KIAA1671: variants seen among roughly 807,000 people sequenced by gnomAD.
The protein encoded by KIAA1671 is KIAA1671.
KIAA1671 carries 52 observed loss-of-function variants against 131.2 expected under a neutral mutation model. The observed-to-expected ratio is 0.40, with a 90% CI of 0.32 to 0.50. KIAA1671 has a LOEUF of 0.50. KIAA1671 is among the 20% of genes least tolerant of loss of function. The pLI is 0.73. For synonymous variants in KIAA1671, 1,003 were observed against 961.6 expected (o/e 1.04, Z -0.80); for missense variants, 2,360 against 2,364.2 (o/e 1.00, Z 0.04).
At chr22:25,149,160 G>A (rs898228822) in intron 6 of KIAA1671, among the ~76,000 whole-genome samples, 2 of 152,144 alleles carry the variant, frequency 1.3e-5, no homozygotes, top group East Asian at 1.9e-4. Context: ...TGCTCACCTC[G>A]ACTCTGGACA....
rs1449337693 is a variant in KIAA1671, at chr22:25,196,022, G to A, written c.*3621G>A. 7.2e-5 allele frequency: 11 copies of A among 152,150 alleles called. No individual in the cohort carries two copies. The highest frequency in any genetic ancestry group is 7.2e-4 in the Admixed American group (11 of 15,276). 9.4% of individuals were successfully genotyped at this position (152,150 alleles called of 1,614,324 possible). ...GTGGGGGACTCTTGCTGTGTGCTAA[G>A]AGGCTGCTAGGACTCACCCAGTTGG... On this transcript the variant is annotated 3_prime_UTR_variant, in exon 13 of 13. Coordinates refer to ENST00000358431, the MANE Select transcript of KIAA1671 (RefSeq NM_001145206.2).
intron 6 of KIAA1671, among the ~76,000 whole-genome samples, chr22:25,071,581 A>G (rs142433931): frequency 6.6e-6 from 1 of 152,384 alleles, no homozygotes; most frequent in Non-Finnish European, 1.5e-5. Flanking sequence ...TCAGACAGGC[A>G]CAAAGAAGAA....
intron 6 of KIAA1671, among the ~76,000 whole-genome samples, chr22:25,078,442 T>A (rs1390345870): frequency 2.6e-5 from 4 of 152,120 alleles, no homozygotes; most frequent in Non-Finnish European, 5.9e-5. Flanking sequence ...GGCAGAAGGA[T>A]CACCTGAGCC....
intron 6 of KIAA1671, among the ~76,000 whole-genome samples, chr22:25,106,073 C>G (rs914681609): frequency 4.6e-5 from 7 of 152,128 alleles, no homozygotes; most frequent in African/African-American, 1.4e-4. Context: ...GTCAGGTTCC[C>G]TAGAAGCAGA....
chr22:25,029,711 G>A (rs916668520), intron 3 of KIAA1671, among the ~76,000 whole-genome samples, 171 bp downstream of exon 3: 4 of 152,268 alleles, frequency 2.6e-5, no homozygotes, highest in African/African-American at 9.6e-5. Flanking sequence ...GGTGCGGAGA[G>A]GCAGTGCAGC....
Position 25,038,707 on chromosome 22 carries a change from A to T in KIAA1671, c.1630-53A>T. On this transcript the variant is annotated intron_variant, in intron 4 of 12. Transcript: ENST00000358431. ...TCAATTACTCCACTTTTTCCTTTCC[A>T]TCTCAAATCCTTAAACACTGAGGTG... The T allele has an allele frequency of 4.8e-6, 7 of 1,468,738 alleles. No individual in the cohort carries two copies. The Admixed American group carries it at 1.1e-4, about 22-fold the overall frequency. 91.0% of individuals were successfully genotyped at this position (1,468,738 alleles called of 1,614,324 possible).
intron 6 of KIAA1671, among the ~76,000 whole-genome samples, chr22:25,115,414 G>A (rs1931600894): frequency 6.6e-6 from 1 of 152,250 alleles, no homozygotes; most frequent in Non-Finnish European, 1.5e-5. Context: ...TGCAAACTGA[G>A]TGACCTTGGG....
At chr22:25,023,124 C>T (rs1462016861) in intron 1 of KIAA1671, 2 of 152,370 alleles carry the variant, frequency 1.3e-5, no homozygotes, top group Admixed American at 6.5e-5. Context: ...AGGAGAATCA[C>T]TTGAACCTGG....
At position 25,181,756 on chromosome 22, in the gene KIAA1671, A is replaced by G. The variant is rs1266082671; in HGVS notation, c.5132A>G (p.Glu1711Gly). 2 of 1,551,502 alleles carry G rather than the reference A, an allele frequency of 1.3e-6. No individual in the cohort carries two copies. The highest frequency in any genetic ancestry group is 2.7e-5 in the African/African-American group (2 of 73,022). Reference sequence around the variant, plus strand: ...GAGGAGGAGACGGCATCCAAAGCTGAGAGGACCCCTGTCAGCCATCCTCAG... The same window carrying G: ...GAGGAGGAGACGGCATCCAAAGCTGGGAGGACCCCTGTCAGCCATCCTCAG... ...SDEEETASKAERTPVSHPQRM... is the reference protein window; with the variant it reads ...SDEEETASKAGRTPVSHPQRM... The change falls in exon 10 of 13, where the codon GAG (glutamate) becomes GGG (glycine). Residue 1711 changes from glutamate to glycine, a missense_variant. Transcript: ENST00000358431.
At chr22:25,084,836 G>C (rs917288344) in intron 6 of KIAA1671, among the ~76,000 whole-genome samples, 1 of 152,230 alleles carries the variant, frequency 6.6e-6, no homozygotes, top group African/African-American at 2.4e-5. Context: ...TGGCACACGT[G>C]ATGGTTCAAA....
Position 25,011,165 on chromosome 22 carries a change from CGAA to C in KIAA1671, c.-207-14466_-207-14464del, listed in dbSNP as rs1925014968. On this transcript the variant is annotated intron_variant, in intron 1 of 12. Transcript: ENST00000358431. ...CTAATCTTTTTTTTTTTTTTTGAGACGAAGTCTCACTCTGTCGCCTAGACTGGG... is the reference window on the plus strand; with the variant it reads ...CTAATCTTTTTTTTTTTTTTTGAGACGTCTCACTCTGTCGCCTAGACTGGG... 3 of 147,466 alleles carry C rather than the reference CGAA, an allele frequency of 2.0e-5. 1 individual carries two copies. The Admixed American group carries it at 2.0e-4, about 10-fold the overall frequency. The allele number at this position is 147,466 out of a possible 1,614,324, so 9.1% of individuals were successfully genotyped here. A position where few individuals can be genotyped will look rare whatever the true frequency, so the allele number is the denominator to read the frequency against.
At chr22:24,994,633 G>A (rs1458395049) in intron 1 of KIAA1671, among the ~76,000 whole-genome samples, 1 of 152,106 alleles carries the variant, frequency 6.6e-6, no homozygotes, top group Non-Finnish European at 1.5e-5. Context: ...GGCAGAGGGC[G>A]ACCGTGGCTC....
rs66690021 is a variant in KIAA1671 at position 25,006,470 on chromosome 22, TG to T, written c.-207-19157del. Among the ~76,000 whole-genome samples the T allele has an allele frequency of 2.6e-5, 4 of 152,116 alleles. No homozygotes were observed. In the South Asian group the frequency reaches 8.3e-4, roughly 32 times the overall value. ...GGGGGAATTAAGGTGTCTGGTCGCC[TG>T]GGGGGCGACCGAGACAAAGAACTTC... On this transcript the variant is annotated intron_variant, in intron 1 of 12. Transcript: ENST00000358431.
At chr22:25,177,631 C>A in intron 9 of KIAA1671, 109 bp downstream of exon 9, 1 of 910,408 alleles carries the variant, frequency 1.1e-6, no homozygotes, top group Middle Eastern at 2.2e-4. Context: ...ATCATTAGAA[C>A]ACAATTACAT....
intron 1 of KIAA1671, among the ~76,000 whole-genome samples, chr22:25,001,237 A>ATG (rs138205947): frequency 3.8e-4 from 43 of 112,758 alleles, no homozygotes; most frequent in Non-Finnish European, 1.8e-4. Flanking sequence ...GTGTGTGTAT[A>ATG]TGTGTGTGTG....
intron 5 of KIAA1671, among the ~76,000 whole-genome samples, chr22:25,041,918 AT>A (rs1280392150): frequency 3.3e-5 from 5 of 151,310 alleles, no homozygotes; most frequent in African/African-American, 1.2e-4. Flanking sequence ...CTAATTTTTT[AT>A]TTTTTGTAGA....
intron 1 of KIAA1671, among the ~76,000 whole-genome samples, chr22:24,992,626 C>G (rs932620922): frequency 6.6e-6 from 1 of 151,820 alleles, no homozygotes; most frequent in Admixed American, 6.6e-5. Context: ...ACCAGCTTGG[C>G]CAACATGGTG....
At position 25,170,867 on chromosome 22, in the gene KIAA1671, C is replaced by T. The variant is rs1039169937; in HGVS notation, c.4578C>T (p.Asp1526=). The change falls in exon 7 of 13, where the codon GAC becomes GAT. Residue 1526 remains aspartate, a synonymous_variant. Coordinates refer to ENST00000358431, the MANE Select transcript of KIAA1671 (RefSeq NM_001145206.2). ...CFSRQPTEPK[D]TDTLVHEAGS... is the part of the protein sequence containing the mutation. Reference sequence around the variant, plus strand: ...CCCGGCAGCCCACTGAACCCAAGGACACTGACACCCTCGTGCACGAAGCCG... The same window carrying T: ...CCCGGCAGCCCACTGAACCCAAGGATACTGACACCCTCGTGCACGAAGCCG... 2.5e-5 allele frequency: 39 copies of T among 1,551,586 alleles called. No homozygotes were observed. The highest frequency in any genetic ancestry group is 3.3e-5 in the Non-Finnish European group (38 of 1,147,026).
chr22:25,160,800 T>C (rs939005750), intron 6 of KIAA1671, among the ~76,000 whole-genome samples: 3 of 152,186 alleles, frequency 2.0e-5, no homozygotes, highest in Non-Finnish European at 4.4e-5. Context: ...GTCCCACAAC[T>C]TTCCCTAAGA....
Sources: allele counts gnomAD v4.1 joint callset (sites outside exome capture counted in the v4.1 genomes callset), GRCh38; gene constraint gnomAD v4.1.1; transcripts MANE v1.5; gene names NCBI Gene and HGNC (gene_info 2026-07-23, HGNC 2026-07-21).